KAT14: variants seen among roughly 807,000 people sequenced by gnomAD.
KAT14 encodes lysine acetyltransferase 14.
In KAT14, 66 loss-of-function variants were observed where a neutral mutation model predicts 78.4. That is an observed-to-expected ratio of 0.84 (90% CI 0.69 to 1.03). The LOEUF is 1.03. KAT14 is among the 50% of genes least tolerant of loss of function. KAT14 has a pLI of 0.00. For missense variants in KAT14, 870 were observed against 972.5 expected (o/e 0.89, Z 1.40); for synonymous variants, 344 against 359.4 (o/e 0.96, Z 0.48).
intron 7 of KAT14, among the ~76,000 whole-genome samples, chr20:18,173,295 G>T (rs1185486610): frequency 1.3e-5 from 2 of 152,206 alleles, no homozygotes; most frequent in Non-Finnish European, 2.9e-5. Context: ...GTTCTTCAGG[G>T]CTTTCCCGCC....
At position 18,162,638 on chromosome 20, in the gene KAT14, C is replaced by T. The variant is rs759855087; in HGVS notation, c.1361C>T (p.Pro454Leu). ...RKPQLEKDTK[P>L]KEPRYTPVSI... ...CCTCAGCTGGAGAAGGACACAAAGCCGAAAGAGCCCAGGTATACTCCCGTG... is the reference window on the plus strand; with the variant it reads ...CCTCAGCTGGAGAAGGACACAAAGCTGAAAGAGCCCAGGTATACTCCCGTG... The change falls in exon 7 of 11, where the codon CCG becomes CTG. Residue 454 changes from proline to leucine, a missense_variant. Pro to Leu is a moderately conservative substitution (Grantham distance 98). Coordinates refer to ENST00000688188, the MANE Select transcript of KAT14 (RefSeq NM_001392073.1). 78 of 1,614,022 alleles carry T rather than the reference C, an allele frequency of 4.8e-5. No homozygotes were observed. Among genetic ancestry groups the T allele is most frequent in the South Asian group, 6.6e-5 (6 of 91,092 alleles).
intron 4 of KAT14, among the ~76,000 whole-genome samples, chr20:18,152,575 TCAAA>T (rs902367903): frequency 6.6e-6 from 1 of 152,154 alleles, no homozygotes; most frequent in Non-Finnish European, 1.5e-5. Flanking sequence ...AGACTCCATC[TCAAA>T]CAAACAAACA....
chr20:18,138,205 G>C, intron 1 of KAT14, 154 bp downstream of exon 1: 5 of 1,268,588 alleles, frequency 3.9e-6, no homozygotes, highest in Non-Finnish European at 5.0e-6. Flanking sequence ...GGCTGCGGCC[G>C]GCGGCCGCTC....
At chr20:18,149,779 GTC>G (rs2037968575) in intron 3 of KAT14, among the ~76,000 whole-genome samples, 1 of 151,860 alleles carries the variant, frequency 6.6e-6, no homozygotes, top group Admixed American at 6.6e-5. Context: ...TTGAAACCCT[GTC>G]TCTACTGAAA....
Position 18,162,119 on chromosome 20 carries a change from C to T in KAT14, c.979C>T (p.Pro327Ser), listed in dbSNP as rs778079203. The T allele has an allele frequency of 6.2e-7, 1 of 1,614,270 alleles. No individual in the cohort carries two copies. Among genetic ancestry groups the T allele is most frequent in the Non-Finnish European group, 8.5e-7 (1 of 1,180,048 alleles). ...CCGCACCCCGCTGACAAGCCCATCTCCTTCTCCTTCTCTGGATTTCTCTGC... is the reference window on the plus strand; with the variant it reads ...CCGCACCCCGCTGACAAGCCCATCTTCTTCTCCTTCTCTGGATTTCTCTGC... ...SDRTPLTSPSPSPSLDFSAPG... is the reference protein window; with the variant it reads ...SDRTPLTSPSSSPSLDFSAPG... Residue 327 changes from proline (P) to serine (S), a missense_variant, in exon 6 of 11, where the codon CCT (proline) becomes TCT (serine). Physicochemically the swap from Pro to Ser is moderately conservative, Grantham distance 74. Coordinates refer to ENST00000688188, the MANE Select transcript of KAT14 (RefSeq NM_001392073.1).
At chr20:18,169,555 ATG>A (rs909707079) in intron 7 of KAT14, among the ~76,000 whole-genome samples, 17 of 152,272 alleles carry the variant, frequency 1.1e-4, no homozygotes, top group African/African-American at 4.1e-4. Context: ...TAATTGGTAA[ATG>A]TGTGTTTTCT....
intron 10 of KAT14, among the ~76,000 whole-genome samples, chr20:18,186,731 T>G (rs917153257): frequency 6.6e-6 from 1 of 152,220 alleles, no homozygotes; most frequent in Non-Finnish European, 1.5e-5. Context: ...TCTAAGAAGC[T>G]AATTCTGTCA....
intron 10 of KAT14, among the ~76,000 whole-genome samples, chr20:18,185,538 A>G (rs1371911628): frequency 6.6e-6 from 1 of 152,214 alleles, no homozygotes; most frequent in Non-Finnish European, 1.5e-5. Flanking sequence ...TAATTTTACT[A>G]TCACTGTATA....
At chr20:18,140,922 A>G (rs541176138) in intron 1 of KAT14, among the ~76,000 whole-genome samples, 5 of 149,844 alleles carry the variant, frequency 3.3e-5, no homozygotes, top group African/African-American at 9.8e-5. Context: ...AAGTGGCACA[A>G]TCTTAGCTCA....
At chr20:18,149,618 A>G (rs1318265613) in intron 3 of KAT14, among the ~76,000 whole-genome samples, 1 of 152,116 alleles carries the variant, frequency 6.6e-6, no homozygotes, top group Non-Finnish European at 1.5e-5. Flanking sequence ...GTGAATACAG[A>G]TGTTGGGGGC....
chr20:18,160,264 A>G (rs1315112394), intron 5 of KAT14, among the ~76,000 whole-genome samples: 1 of 152,192 alleles, frequency 6.6e-6, no homozygotes, highest in African/African-American at 2.4e-5. Context: ...AAGGGTGTAA[A>G]GTATGAAAGT....
At chr20:18,144,971 G>A in intron 2 of KAT14, 6 of 766,690 alleles carry the variant, frequency 7.8e-6, no homozygotes, top group Non-Finnish European at 1.0e-5. Context: ...TGACAATTGG[G>A]AAATCCAGCA....
intron 7 of KAT14, among the ~76,000 whole-genome samples, chr20:18,172,843 A>T (rs1452868895): frequency 6.6e-6 from 1 of 152,178 alleles, no homozygotes; most frequent in Non-Finnish European, 1.5e-5. Context: ...AGGAGCTGTG[A>T]TAAGTAGGCT....
At chr20:18,143,891 A>G (rs894577382) in intron 2 of KAT14, among the ~76,000 whole-genome samples, 5 of 152,092 alleles carry the variant, frequency 3.3e-5, no homozygotes, top group Non-Finnish European at 7.4e-5. Context: ...CGGCCTCCCA[A>G]AGTGCTGGGA....
At chr20:18,183,486 T>C in intron 9 of KAT14, 188 bp downstream of exon 9, 1 of 981,034 alleles carries the variant, frequency 1.0e-6, no homozygotes, top group Non-Finnish European at 1.2e-6. Flanking sequence ...AAGCCAGCAA[T>C]AAACAGTGTT....
chr20:18,144,131 T>C (rs1200100827), intron 2 of KAT14, among the ~76,000 whole-genome samples: 1 of 152,286 alleles, frequency 6.6e-6, no homozygotes, highest in Non-Finnish European at 1.5e-5. Context: ...AGGGTCATTT[T>C]CTGGCATGTG....
At chr20:18,155,304 T>G (rs2038186243) in intron 4 of KAT14, among the ~76,000 whole-genome samples, 1 of 152,234 alleles carries the variant, frequency 6.6e-6, no homozygotes, top group Non-Finnish European at 1.5e-5. Context: ...GGTTTTTCTT[T>G]TATGCCTTTA....
chr20:18,176,753 C>T (rs1343133589), intron 7 of KAT14, among the ~76,000 whole-genome samples: 1 of 152,056 alleles, frequency 6.6e-6, no homozygotes, highest in Non-Finnish European at 1.5e-5. Context: ...TCCTACAGGT[C>T]ATAAGTAAGG....
At chr20:18,158,530 G>T (rs897635195) in intron 4 of KAT14, among the ~76,000 whole-genome samples, 7 of 152,342 alleles carry the variant, frequency 4.6e-5, no homozygotes, top group African/African-American at 1.2e-4. Context: ...GGTGCTCTCT[G>T]TGTTTGTGGA....
Sources: allele counts gnomAD v4.1 joint callset (sites outside exome capture counted in the v4.1 genomes callset), GRCh38; gene constraint gnomAD v4.1.1; transcripts MANE v1.5; gene names NCBI Gene and HGNC (gene_info 2026-07-23, HGNC 2026-07-21).